Variants in LPIN1 observed in about 807,000 individuals in gnomAD.
LPIN1 encodes the protein phosphatidate phosphatase LPIN1.
A neutral mutation model predicts 107.5 loss-of-function variants in LPIN1; 71 were observed. That is an observed-to-expected ratio of 0.66 (90% CI 0.55 to 0.80). The LOEUF is 0.80. Ranked by LOEUF, LPIN1 falls within the 30% of genes least tolerant of loss-of-function variation. The pLI is 0.00. For synonymous variants in LPIN1, 445 were observed against 452.6 expected (o/e 0.98, Z 0.21); for missense variants, 1,043 against 1,160.6 (o/e 0.90, Z 1.47).
intron 8 of LPIN1, among the ~76,000 whole-genome samples, chr2:11,783,333 C>A (rs181001692): frequency 2.3e-4 from 35 of 152,222 alleles, no homozygotes; most frequent in African/African-American, 8.2e-4. Context: ...AGCCTCAATG[C>A]GTTTAGTGCT....
chr2:11,755,300 C>G (rs1572593491), intron 1 of LPIN1, among the ~76,000 whole-genome samples: 2 of 152,228 alleles, frequency 1.3e-5, no homozygotes, highest in Admixed American at 1.3e-4. Context: ...AGTGCTTTTC[C>G]CCCTCGTGCC....
chr2:11,813,486 C>T (rs932747321), intron 17 of LPIN1, among the ~76,000 whole-genome samples: 5 of 151,994 alleles, frequency 3.3e-5, no homozygotes, highest in African/African-American at 7.3e-5. Flanking sequence ...GCACAGCGGC[C>T]GGGCAGAGGT....
chr2:11,825,278 G>A lies in LPIN1; in HGVS notation c.*487G>A. 5.4e-6 allele frequency: 1 copy of A among 183,952 alleles called. No homozygotes were observed. Among genetic ancestry groups the A allele is most frequent in the Non-Finnish European group, 1.2e-5 (1 of 86,784 alleles). The allele number at this position is 183,952 out of a possible 1,614,324, so 11.4% of individuals were successfully genotyped here. On this transcript the variant is annotated 3_prime_UTR_variant, in exon 21 of 21. Transcript: ENST00000674199. The surrounding 1 kb of genome is among the most constrained non-coding windows in gnomAD (Gnocchi z 4.1). ...CCTTCTGAACACAGTGGGGAGGGCT[G>A]TGAAGGCTCATGTGACCTGGATCTG...
upstream of LPIN1, among the ~76,000 whole-genome samples, chr2:11,720,772 T>C (rs1185221977): frequency 6.6e-6 from 1 of 152,016 alleles, no homozygotes; most frequent in Non-Finnish European, 1.5e-5. Flanking sequence ...TGTGTGTGTC[T>C]GGCAGAGTGA....
At position 11,786,840 on chromosome 2, in the gene LPIN1, T is replaced by A. The variant is rs1399725676; in HGVS notation, c.1550-234T>A. 6.6e-6 allele frequency among the ~76,000 whole-genome samples: 1 copy of A among 152,218 alleles called. No homozygotes were observed. The highest frequency in any genetic ancestry group is 1.5e-5 in the Non-Finnish European group (1 of 68,030). ...GTGAACGTATGTGCCTCAACTAAGG[T>A]ACACGTCCCCCAACATCCTCAGCCT... On this transcript the variant is annotated intron_variant, in intron 10 of 20. Transcript: ENST00000674199. This position sits in a 1 kb window ranked among gnomAD's most constrained non-coding sequence, Gnocchi z 4.1.
At chr2:11,762,432 G>A (rs1669991386) in intron 1 of LPIN1, among the ~76,000 whole-genome samples, 1 of 151,748 alleles carries the variant, frequency 6.6e-6, no homozygotes, top group Non-Finnish European at 1.5e-5. Context: ...GGAGGTTGGG[G>A]GTGGGGTGGT....
At position 11,795,954 on chromosome 2, in the gene LPIN1, G is replaced by A. The variant is rs771039994; in HGVS notation, c.1886+467G>A. On this transcript the variant is annotated intron_variant, in intron 14 of 20. Coordinates refer to ENST00000674199, the MANE Select transcript of LPIN1 (RefSeq NM_001349206.2). ...CATGGATTCATATTCACTTGGCATA[G>A]GAGAGGTTAGATTTTGATGATACTG... Among the ~76,000 whole-genome samples, 3 of 152,180 alleles carry A rather than the reference G, an allele frequency of 2.0e-5. No individual in the cohort carries two copies. The East Asian group carries it at 5.8e-4, about 29-fold the overall frequency.
intron 1 of LPIN1, among the ~76,000 whole-genome samples, chr2:11,733,134 C>T (rs914365345): frequency 1.3e-5 from 2 of 152,096 alleles, no homozygotes; most frequent in South Asian, 2.1e-4. Context: ...CATGACCTGT[C>T]GGTTTAGCAA....
At chr2:11,809,832 G>A (rs995267808) in intron 17 of LPIN1, among the ~76,000 whole-genome samples, 6 of 152,238 alleles carry the variant, frequency 3.9e-5, no homozygotes, top group Non-Finnish European at 5.9e-5. Flanking sequence ...GATGATAAGA[G>A]ATAGGATGGA....
chr2:11,755,371 G>A (rs1185505783), intron 1 of LPIN1, among the ~76,000 whole-genome samples: 2 of 152,194 alleles, frequency 1.3e-5, no homozygotes, highest in East Asian at 3.8e-4. Context: ...ACTCTGGAAT[G>A]TCGTGATGGG....
intron 1 of LPIN1, among the ~76,000 whole-genome samples, chr2:11,703,792 C>A (rs1663001701): frequency 6.6e-6 from 1 of 152,218 alleles, no homozygotes; most frequent in Non-Finnish European, 1.5e-5. Flanking sequence ...CCCTCCAAAA[C>A]AAACTGACTC....
intron 1 of LPIN1, among the ~76,000 whole-genome samples, chr2:11,698,882 C>T (rs941170201): frequency 3.9e-5 from 6 of 152,216 alleles, no homozygotes; most frequent in African/African-American, 1.4e-4. Context: ...TCACACCCTG[C>T]CTGTAGAACT....
At chr2:11,816,031 T>G (rs1680518010) in intron 18 of LPIN1, 1 of 152,232 alleles carries the variant, frequency 6.6e-6, no homozygotes, top group African/African-American at 2.4e-5. Flanking sequence ...TTGGTCTTTA[T>G]GAATGTCATT....
chr2:11,732,534 G>C (rs1665338209), intron 1 of LPIN1, among the ~76,000 whole-genome samples: 1 of 152,200 alleles, frequency 6.6e-6, no homozygotes, highest in South Asian at 2.1e-4. Flanking sequence ...ACCTAATGAA[G>C]TTGCTGTAGG....
At chr2:11,743,093 C>T (rs139961443), upstream of LPIN1, among the ~76,000 whole-genome samples, 23 of 152,312 alleles carry the variant, frequency 1.5e-4, no homozygotes, top group Admixed American at 6.5e-4. This position sits in a 1 kb window ranked among gnomAD's most constrained non-coding sequence, Gnocchi z 4.7. Flanking sequence ...ACAGTTTTTA[C>T]GCGATCACAA....
intron 1 of LPIN1, among the ~76,000 whole-genome samples, chr2:11,695,547 G>C (rs4328604): frequency 0.52 from 79,772 of 152,014 alleles, 22,000 homozygotes; most frequent in African/African-American, 0.7. Flanking sequence ...GTATGAGGGG[G>C]AGGGGAGGAG....
intron 9 of LPIN1, 193 bp downstream of exon 9, chr2:11,784,115 G>C (rs1320807803): frequency 6.4e-6 from 6 of 938,094 alleles, no homozygotes; most frequent in Non-Finnish European, 9.1e-6. Context: ...GACCACCCTG[G>C]CCAACATGGT....
intron 20 of LPIN1, among the ~76,000 whole-genome samples, chr2:11,821,394 G>A (rs561372422): frequency 6.6e-6 from 1 of 152,322 alleles, no homozygotes; most frequent in East Asian, 1.9e-4. Flanking sequence ...GTGCATGCCT[G>A]TAATCCCAGC....
upstream of LPIN1, among the ~76,000 whole-genome samples, chr2:11,744,502 C>T (rs1031531687): frequency 1.3e-5 from 2 of 152,242 alleles, no homozygotes; most frequent in African/African-American, 4.8e-5. Flanking sequence ...ACCTAATTTG[C>T]TCTGAATCCA....
Sources: gnomAD v4.1 joint callset for allele counts (sites outside exome capture counted in the v4.1 genomes callset) on GRCh38, gnomAD v4.1.1 for gene constraint, Gnocchi (gnomAD v3.1) non-coding constraint, MANE v1.5 for transcripts, NCBI Gene and HGNC (gene_info 2026-07-23, HGNC 2026-07-21) for gene names.